Variants in SLITRK3 observed in about 807,000 individuals in gnomAD.
SLITRK3 encodes the protein SLIT and NTRK-like protein 3.
A neutral mutation model predicts 63.6 loss-of-function variants in SLITRK3; 16 were observed. That is an observed-to-expected ratio of 0.25 (90% confidence interval 0.17 to 0.38). The LOEUF is 0.38. SLITRK3 is among the 10% of genes least tolerant of loss of function. SLITRK3 has a pLI of 1.00. For synonymous variants in SLITRK3, 547 were observed against 451.6 expected (o/e 1.21, Z -2.68); for missense variants, 1,117 against 1,181.4 (o/e 0.95, Z 0.80).
chr3:165,195,542 TTC>T (rs1468039977), intron 1 of SLITRK3, 36 bp downstream of exon 1: 1 of 152,226 alleles, frequency 6.6e-6, no homozygotes, highest in Non-Finnish European at 1.5e-5. Context: ...AAATACTGGT[TTC>T]AATTAGGCGA....
Position 165,191,125 on chromosome 3 carries a change from G to A in SLITRK3, c.-21-274C>T, listed in dbSNP as rs531168575. ...TGCATGAACAAAAGCAGCCTGCATT[G>A]CCTCTGTATAACAAACAACAGAACT... On this transcript the variant is annotated intron_variant, in intron 1 of 1. Coordinates refer to ENST00000475390, the MANE Select transcript of SLITRK3 (RefSeq NM_001318810.2). Among the ~76,000 whole-genome samples the A allele has an allele frequency of 3.9e-4, 60 of 152,260 alleles. 2 individuals carry two copies. The South Asian group carries it at 0.012, about 32-fold the overall frequency.
Position 165,186,974 on chromosome 3 carries a change from C to A in SLITRK3, c.*923G>T, listed in dbSNP as rs1717976702. The A allele has an allele frequency of 1.3e-5, 2 of 151,530 alleles. No individual in the cohort carries two copies. Among genetic ancestry groups the A allele is most frequent in the South Asian group, 2.1e-4 (1 of 4,672 alleles). 9.4% of individuals were successfully genotyped at this position (151,530 alleles called of 1,614,324 possible). On this transcript the variant is annotated 3_prime_UTR_variant, in exon 2 of 2. Coordinates refer to ENST00000475390, the MANE Select transcript of SLITRK3 (RefSeq NM_001318810.2). ...AAAGTGCAGATGTTCTCCAAAAAAT[C>A]TTGGCATCAGGATGAAGTGTCACAA...
chr3:165,193,316 TTTA>T, intron 1 of SLITRK3, among the ~76,000 whole-genome samples: 2 of 150,200 alleles, frequency 1.3e-5, no homozygotes, highest in South Asian at 2.1e-4. Flanking sequence ...TTTCTTTTTT[TTTA>T]AACTCTCAAG....
chr3:165,195,941 G>A lies in SLITRK3; in HGVS notation c.-383C>T, dbSNP rs900128042. 2 of 152,668 alleles carry A rather than the reference G, an allele frequency of 1.3e-5. No individual in the cohort carries two copies. The highest frequency in any genetic ancestry group is 4.8e-5 in the African/African-American group (2 of 41,428). The allele number at this position is 152,668 out of a possible 1,614,324, so 9.5% of individuals were successfully genotyped here. A position where few individuals can be genotyped will look rare whatever the true frequency, so the allele number is the denominator to read the frequency against. ...CTAGGTTCCTTTGATTTAAAATCTC[G>A]GTGCTCTGGATCAGTGGAGAGCTTC... On this transcript the variant is annotated 5_prime_UTR_variant, in exon 1 of 2. Transcript: ENST00000475390.
chr3:165,189,638 T>C lies in SLITRK3; in HGVS notation c.1193A>G (p.Asn398Ser). The stretch of plus-strand genomic sequence containing the variant: ...CCTTGGAAGAAGTTCAGAAATGTTA[T>C]TAAATCCTCGCTCTTTGCAGTTGAC... ...LTVNCKERGF[N>S]NISELLPRPL... Residue 398 changes from asparagine (N) to serine (S), a missense_variant, in exon 2 of 2, where the codon AAT becomes AGT. Asn to Ser is a conservative substitution (Grantham distance 46). Around this residue, in one of 4 missense-constraint regions of SLITRK3, gnomAD observed 452 missense variants for 495.3 expected, o/e 0.91. Transcript: ENST00000475390. The surrounding 1 kb of genome is among the most constrained non-coding windows in gnomAD (Gnocchi z 4.0). The C allele has an allele frequency of 1.2e-6, 2 of 1,614,238 alleles. No individual in the cohort carries two copies. The highest frequency in any genetic ancestry group is 1.7e-6 in the Non-Finnish European group (2 of 1,180,048).
rs752884726 is a variant in SLITRK3, at chr3:165,189,592, C to G, written c.1239G>C (p.Leu413=). 1 of 1,614,164 alleles carries G rather than the reference C, an allele frequency of 6.2e-7. No homozygotes were observed. The highest frequency in any genetic ancestry group is 2.2e-5 in the East Asian group (1 of 44,880). ...LLPRPLNAKK[L]YLSSNLIQKI... ...TCTGAATCAGATTGCTACTCAGATACAGTTTCTTGGCATTCAAGGGCCTTG... is the reference window on the plus strand; with the variant it reads ...TCTGAATCAGATTGCTACTCAGATAGAGTTTCTTGGCATTCAAGGGCCTTG... Residue 413 remains leucine, a synonymous_variant, in exon 2 of 2, where the codon CTG becomes CTC. Coordinates refer to ENST00000475390, the MANE Select transcript of SLITRK3 (RefSeq NM_001318810.2). This position sits in a 1 kb window ranked among gnomAD's most constrained non-coding sequence, Gnocchi z 4.0.
upstream of SLITRK3, chr3:165,196,879 CTCTCTCTCTCTCTCTCTG>C (rs1365557737): frequency 3.2e-5 from 4 of 124,292 alleles, no homozygotes; most frequent in Non-Finnish European, 6.2e-5. Flanking sequence ...AGTGATCTCT[CTCTCTCTCTCTCTCTCTG>C]TCTCTCTCTC....
At position 165,190,000 on chromosome 3, in the gene SLITRK3, C is replaced by G. The variant is rs1348165396; in HGVS notation, c.831G>C (p.Lys277Asn). ...FHGKDLREIR[K>N]TELCPLLSDS... ...CAGACAACAAGGGACAGAGTTCTGT[C>G]TTCCTGATTTCTCGTAGGTCCTTTC... is the stretch of plus-strand genomic sequence containing the variant. Residue 277 changes from lysine (K) to asparagine (N), a missense_variant, in exon 2 of 2, where the codon AAG becomes AAC. Lys to Asn is a moderately conservative substitution (Grantham distance 94). Coordinates refer to ENST00000475390, the MANE Select transcript of SLITRK3 (RefSeq NM_001318810.2). This position sits in a 1 kb window ranked among gnomAD's most constrained non-coding sequence, Gnocchi z 4.0. 4 of 1,614,046 alleles carry G rather than the reference C, an allele frequency of 2.5e-6. No homozygotes were observed. The South Asian group carries it at 4.4e-5, about 18-fold the overall frequency.
rs1387231358 is a variant in SLITRK3, at chr3:165,196,368, C to CA, written c.-811dup. On this transcript the variant is annotated 5_prime_UTR_variant, in exon 1 of 2. Coordinates refer to ENST00000475390, the MANE Select transcript of SLITRK3 (RefSeq NM_001318810.2). ...CACGAAGGTGAAGCGATACCGTTGG[C>CA]AGAGAGTGAGTCCTCTGACCGCTCA... 6.9e-6 allele frequency among the ~76,000 whole-genome samples: 1 copy of CA among 144,068 alleles called. No homozygotes were observed. The highest frequency in any genetic ancestry group is 2.6e-5 in the African/African-American group (1 of 38,136). 94.5% of individuals were successfully genotyped at this position (144,068 alleles called of 152,430 possible). A position where few individuals can be genotyped will look rare whatever the true frequency, so the allele number is the denominator to read the frequency against.
rs2108207405 is a variant in SLITRK3, at chr3:165,189,199, C to A, written c.1632G>T (p.Val544=). The change falls in exon 2 of 2, where the codon GTG becomes GTT. Residue 544 remains valine (V), a synonymous_variant. Coordinates refer to ENST00000475390, the MANE Select transcript of SLITRK3 (RefSeq NM_001318810.2). The surrounding 1 kb of genome is among the most constrained non-coding windows in gnomAD (Gnocchi z 4.0). Reference sequence around the variant, plus strand: ...CATTCAAGTGTTCCAGGACACCAGCCACGGGAAGATAGAGGAAGTAGTTCT... The same window carrying A: ...CATTCAAGTGTTCCAGGACACCAGCAACGGGAAGATAGAGGAAGTAGTTCT... ...LRKNYFLYLP[V]AGVLEHLNAI... The A allele has an allele frequency of 6.2e-7, 1 of 1,614,144 alleles. No homozygotes were observed. Among genetic ancestry groups the A allele is most frequent in the Non-Finnish European group, 8.5e-7 (1 of 1,180,024 alleles).
chr3:165,192,653 C>T (rs1331192198), intron 1 of SLITRK3, among the ~76,000 whole-genome samples: 4 of 145,554 alleles, frequency 2.7e-5, no homozygotes, highest in African/African-American at 1.0e-4. Flanking sequence ...GAAGCTGAAG[C>T]AAAAGGGGAT....
At position 165,195,801 on chromosome 3, in the gene SLITRK3, T is replaced by G. The variant is rs1718393952; in HGVS notation, c.-243A>C. 6.5e-6 allele frequency: 1 copy of G among 152,674 alleles called. No homozygotes were observed. Among genetic ancestry groups the G allele is most frequent in the African/African-American group, 2.4e-5 (1 of 41,450 alleles). 9.5% of individuals were successfully genotyped at this position (152,674 alleles called of 1,614,324 possible). On this transcript the variant is annotated 5_prime_UTR_variant, in exon 1 of 2. Transcript: ENST00000475390. ...CAGGGAAATGGTCGCTGCATACCAA[T>G]GGGAGAGCGGGGCGCGCACCTAGCG...
rs757998983 is a variant in SLITRK3 at position 165,190,111 on chromosome 3, A to C, written c.720T>G (p.Ile240Met). The change falls in exon 2 of 2, where the codon ATT (isoleucine) becomes ATG (methionine). Residue 240 changes from isoleucine to methionine, a missense_variant. Ile to Met is a conservative substitution (Grantham distance 10). Coordinates refer to ENST00000475390, the MANE Select transcript of SLITRK3 (RefSeq NM_001318810.2). ...EENPWNCTCEIVQLKSWLERI... is the reference protein window; with the variant it reads ...EENPWNCTCEMVQLKSWLERI... ...GTTCCAGCCAACTCTTCAGTTGTAC[A>C]ATTTCACATGTACAGTTCCAAGGGT... The C allele has an allele frequency of 6.8e-6, 11 of 1,614,048 alleles. No homozygotes were observed. The highest frequency in any genetic ancestry group is 9.3e-6 in the Non-Finnish European group (11 of 1,180,040).
chr3:165,191,615 G>A (rs1162156746), intron 1 of SLITRK3, among the ~76,000 whole-genome samples: 1 of 152,136 alleles, frequency 6.6e-6, no homozygotes, highest in African/African-American at 2.4e-5. Flanking sequence ...GGAGTGATTA[G>A]CCCTTCTAAA....
chr3:165,194,845 C>A (rs1336397938), intron 1 of SLITRK3, among the ~76,000 whole-genome samples: 1 of 152,186 alleles, frequency 6.6e-6, no homozygotes. Flanking sequence ...GGCTATCTCA[C>A]CTTTTTCCTT....
In SLITRK3 at chr3:165,190,763, A is replaced by G. The variant is rs1416881934; in HGVS notation, c.68T>C (p.Ile23Thr). The G allele has an allele frequency of 3.7e-6, 6 of 1,613,088 alleles. No homozygotes were observed. The African/African-American group carries it at 5.3e-5, about 14-fold the overall frequency. ...RMLWIILLST[I>T]ALGWTTPIPL... The stretch of plus-strand genomic sequence containing the variant: ...AATCGGGGTAGTCCATCCTAGAGCA[A>G]TTGTGCTTAGAAGAATTATCCACAA... Residue 23 changes from isoleucine to threonine, a missense_variant, in exon 2 of 2, where the codon ATT (isoleucine) becomes ACT (threonine). Ile to Thr is a moderately conservative substitution (Grantham distance 89). Transcript: ENST00000475390.
rs148946737 is a variant in SLITRK3, at chr3:165,190,304, C to T, written c.527G>A (p.Arg176Lys). The change falls in exon 2 of 2, where the codon AGG becomes AAG. Residue 176 changes from arginine (R) to lysine (K), a missense_variant. By Grantham distance (26) the Arg-to-Lys change is conservative (BLOSUM62 2). This residue lies in a region of SLITRK3 where 452 missense variants were observed against 495.3 expected (regional missense o/e 0.91). Coordinates refer to ENST00000475390, the MANE Select transcript of SLITRK3 (RefSeq NM_001318810.2). ...SGAFRNLSKL[R>K]VLILNDNLIP... ...GAGATTATCATTTAAAATCAGAACC[C>T]TCAATTTACTTAGGTTCCGAAATGC... 148 of 1,614,000 alleles carry T rather than the reference C, an allele frequency of 9.2e-5. No homozygotes were observed. Among genetic ancestry groups the T allele is most frequent in the Non-Finnish European group, 5.8e-5 (68 of 1,180,006 alleles).
At chr3:165,196,406 C>T (rs1718416658), upstream of SLITRK3, among the ~76,000 whole-genome samples, 1 of 148,394 alleles carries the variant, frequency 6.7e-6, no homozygotes, top group Admixed American at 6.7e-5. Flanking sequence ...ATTCAAGCAC[C>T]CTCACTTCTC....
At chr3:165,196,927 C>CTCTCTCTCTCCTCTCTCTCTCTCTCTCT (rs56305843), upstream of SLITRK3, 1 of 27,150 alleles carries the variant, frequency 3.7e-5, no homozygotes, top group Non-Finnish European at 8.5e-5. Flanking sequence ...CTCTCTCTCT[C>CTCTCTCTCTCCTCTCTCTCTCTCTCTCT]CTCTCTCTGT....
Sources: allele counts gnomAD v4.1 joint callset (sites outside exome capture counted in the v4.1 genomes callset), GRCh38; gene constraint gnomAD v4.1.1; regional missense constraint gnomAD v4.1.1; non-coding constraint Gnocchi (gnomAD v3.1); transcripts MANE v1.5; gene names NCBI Gene and HGNC (gene_info 2026-07-23, HGNC 2026-07-21).